MAF: variants seen among roughly 807,000 people sequenced by gnomAD.
The protein encoded by MAF is MAF bZIP transcription factor.
A neutral mutation model predicts 22.0 loss-of-function variants in MAF; 10 were observed. The observed-to-expected ratio is 0.45, with a 90% CI of 0.28 to 0.77. MAF has a LOEUF of 0.77. MAF is among the 30% of genes least tolerant of loss of function. The pLI is 0.12. For missense variants in MAF, 544 were observed against 548.4 expected (o/e 0.99, Z 0.08); for synonymous variants, 337 against 255.8 (o/e 1.32, Z -3.03).
the MAF span, among the ~76,000 whole-genome samples, chr16:79,213,651 G>A: frequency 6.6e-6 from 1 of 151,840 alleles, no homozygotes; most frequent in Non-Finnish European, 1.5e-5. Context: ...GCTGGATGAT[G>A]AGAGACACGT....
At chr16:79,509,029 A>T in the MAF span, among the ~76,000 whole-genome samples, 1 of 152,354 alleles carries the variant, frequency 6.6e-6, no homozygotes, top group South Asian at 2.1e-4. Context: ...TTTCACCTCA[A>T]TTAAAAAATA....
At chr16:79,319,365 A>G in the MAF span, among the ~76,000 whole-genome samples, 1 of 152,244 alleles carries the variant, frequency 6.6e-6, no homozygotes. Flanking sequence ...AGTTCTATGG[A>G]TCAATGCGCT....
At chr16:79,212,296 A>C in the MAF span, 1 of 1,021,472 alleles carries the variant, frequency 9.8e-7, no homozygotes, top group Non-Finnish European at 1.4e-6. Flanking sequence ...CCAGCTTAGC[A>C]ACTGCTGGGG....
the MAF span, among the ~76,000 whole-genome samples, chr16:79,242,720 G>A: frequency 6.6e-6 from 1 of 151,984 alleles, no homozygotes; most frequent in African/African-American, 2.4e-5. Context: ...GACATCTACA[G>A]AACTCTCCAC....
At chr16:79,369,066 C>T in the MAF span, among the ~76,000 whole-genome samples, 9 of 152,210 alleles carry the variant, frequency 5.9e-5, no homozygotes, top group African/African-American at 2.2e-4. Flanking sequence ...GGACACACAG[C>T]AAGAGCCCAA....
the MAF span, among the ~76,000 whole-genome samples, chr16:79,425,853 T>C: frequency 6.6e-6 from 1 of 152,224 alleles, no homozygotes; most frequent in African/African-American, 2.4e-5. Context: ...TCATATGTGG[T>C]AGAATCAAGA....
At chr16:79,466,627 T>C in the MAF span, among the ~76,000 whole-genome samples, 1 of 152,248 alleles carries the variant, frequency 6.6e-6, no homozygotes, top group Non-Finnish European at 1.5e-5. Context: ...ATTTTTGGAA[T>C]GCATGTACTG....
the MAF span, among the ~76,000 whole-genome samples, chr16:79,578,537 GATA>G: frequency 7.3e-5 from 11 of 151,668 alleles, no homozygotes; most frequent in African/African-American, 2.7e-4. Flanking sequence ...ATATTAACAG[GATA>G]ATATTTAAAT....
the MAF span, among the ~76,000 whole-genome samples, chr16:79,315,508 T>G: frequency 6.6e-6 from 1 of 152,196 alleles, no homozygotes; most frequent in Non-Finnish European, 1.5e-5. Context: ...ACACATGTAT[T>G]AAATATTTTA....
chr16:79,235,994 C>G, the MAF span, among the ~76,000 whole-genome samples: 1 of 152,050 alleles, frequency 6.6e-6, no homozygotes, highest in African/African-American at 2.4e-5. Context: ...ACCAGCAATC[C>G]TATTCCACAG....
chr16:79,429,797 T>G, the MAF span, among the ~76,000 whole-genome samples: 37 of 152,198 alleles, frequency 2.4e-4, no homozygotes, highest in Non-Finnish European at 4.7e-4. Context: ...GACCTGTGCT[T>G]TCTGCACTTG....
chr16:79,508,572 C>A, the MAF span, among the ~76,000 whole-genome samples: 1 of 152,256 alleles, frequency 6.6e-6, no homozygotes, highest in Non-Finnish European at 1.5e-5. Flanking sequence ...GGCTCCCCAG[C>A]TCTTCCGGCT....
the MAF span, among the ~76,000 whole-genome samples, chr16:79,277,227 T>C: frequency 6.6e-6 from 1 of 152,230 alleles, no homozygotes; most frequent in South Asian, 2.1e-4. Flanking sequence ...TGTAACCTCA[T>C]CTTAACCTGA....
At chr16:79,238,964 C>T in the MAF span, among the ~76,000 whole-genome samples, 345 of 152,024 alleles carry the variant, frequency 2.3e-3, 3 homozygotes, top group Non-Finnish European at 4.2e-3. Context: ...TCCAGGGAGA[C>T]GCAGTCTCAT....
chr16:79,289,852 G>T, the MAF span, among the ~76,000 whole-genome samples: 13 of 26,432 alleles, frequency 4.9e-4, no homozygotes, highest in South Asian at 4.0e-3. Flanking sequence ...GTTTGTTTGT[G>T]TATTTTTTTT....
chr16:79,511,048 G>A, the MAF span, among the ~76,000 whole-genome samples: 3 of 152,198 alleles, frequency 2.0e-5, no homozygotes. Flanking sequence ...AGCGGCAGCT[G>A]GGAGGCCAGA....
chr16:79,541,461 G>C, the MAF span, among the ~76,000 whole-genome samples: 2 of 151,616 alleles, frequency 1.3e-5, no homozygotes, highest in African/African-American at 4.9e-5. Context: ...AGTAGTACCT[G>C]CTTCCCAAAC....
the MAF span, among the ~76,000 whole-genome samples, chr16:79,361,831 C>T: frequency 6.6e-6 from 1 of 152,112 alleles, no homozygotes; most frequent in Non-Finnish European, 1.5e-5. Context: ...CAGATAAATG[C>T]TTAAAGTCCA....
At chr16:79,588,869 T>A (rs1392418984), downstream of MAF, among the ~76,000 whole-genome samples, 1 of 152,232 alleles carries the variant, frequency 6.6e-6, no homozygotes, top group East Asian at 1.9e-4. Context: ...TGAAAAAATA[T>A]ATTGGAGTGA....
Sources: allele counts gnomAD v4.1 joint callset (sites outside exome capture counted in the v4.1 genomes callset), GRCh38; gene constraint gnomAD v4.1.1; transcripts MANE v1.5; gene names NCBI Gene and HGNC (gene_info 2026-07-23, HGNC 2026-07-21).